Variants in NTHL1 observed in about 807,000 individuals in gnomAD.
NTHL1 encodes the protein endonuclease III-like protein 1.
A neutral mutation model predicts 32.3 loss-of-function variants in NTHL1; 32 were observed. The ratio of observed to expected loss-of-function variants is 0.99; its 90% confidence interval spans 0.75 to 1.33. The LOEUF is 1.33. Among genes scored for constraint, NTHL1 ranks in the 40% most tolerant of loss-of-function variants. The probability of loss-of-function intolerance (pLI) is 0.00; values close to 1 mark genes in which losing one functional copy is unlikely to be tolerated. For missense variants in NTHL1, 501 were observed against 414.1 expected (o/e 1.21, Z -1.82); for synonymous variants, 188 against 176.9 (o/e 1.06, Z -0.50).
In NTHL1 at chr16:2,039,962, G is replaced by T; in HGVS notation, c.877C>A (p.Leu293Ile). Residue 293 changes from leucine to isoleucine, a missense_variant, in exon 6 of 6, where the codon CTC becomes ATC. Physicochemically the swap from Leu to Ile is conservative, Grantham distance 5. Transcript: ENST00000651570. ...LPVHPRCHAC[L>I]NQALCPAAQG... ...GCGGCCGGGCAGAGGGCTTGGTTGA[G>T]GCAGGCGTGGCAGCGAGGGTGCACA... 2 of 1,607,480 alleles carry T rather than the reference G, an allele frequency of 1.2e-6. No individual in the cohort carries two copies. Among genetic ancestry groups the T allele is most frequent in the South Asian group, 2.2e-5 (2 of 91,090 alleles).
rs933479672 is a variant in NTHL1, at chr16:2,043,950, G to A, written c.526-224C>T. The A allele has an allele frequency of 3.4e-6, 2 of 581,332 alleles. No homozygotes were observed. The highest frequency in any genetic ancestry group is 2.9e-5 in the East Asian group (1 of 34,480). The allele number at this position is 581,332 out of a possible 1,614,324, so 36.0% of individuals were successfully genotyped here. A position where few individuals can be genotyped will look rare whatever the true frequency, so the allele number is the denominator to read the frequency against. ...CCACCCGTGTGGGCCAATGATGCAC[G>A]TGTAGGCTCTGGCTGGGGTTCCCCT... On this transcript the variant is annotated intron_variant, in intron 3 of 5. Transcript: ENST00000651570. This position sits in a 1 kb window ranked among gnomAD's most constrained non-coding sequence, Gnocchi z 4.4.
In NTHL1 at chr16:2,044,710, G is replaced by A. The variant is rs376048896; in HGVS notation, c.445C>T (p.Arg149Trp). 2.5e-5 allele frequency: 41 copies of A among 1,612,310 alleles called. No homozygotes were observed. Among genetic ancestry groups the A allele is most frequent in the African/African-American group, 5.3e-5 (4 of 74,940 alleles). Residue 149 changes from arginine to tryptophan, a missense_variant, in exon 3 of 6, where the codon CGG becomes TGG. Physicochemically the swap from Arg to Trp is moderately radical, Grantham distance 101 (BLOSUM62 -3). Transcript: ENST00000651570. The surrounding 1 kb of genome is among the most constrained non-coding windows in gnomAD (Gnocchi z 5.0). The stretch of plus-strand genomic sequence containing the variant: ...AGGATGCTGTCCACCGTCAGGCCCC[G>A]CGCCCGCAGTCGCTGCATGGCGCCC... ...TAGAMQRLRARGLTVDSILQT... is the reference protein window; with the variant it reads ...TAGAMQRLRAWGLTVDSILQT...
In NTHL1 at chr16:2,039,823, A is replaced by C; in HGVS notation, c.*101T>G. Reference sequence around the variant, plus strand: ...CAGACATCAGCCAGATCCCATCTGCAAACACACCAAAGCTTTATTCAACAG... The same window carrying C: ...CAGACATCAGCCAGATCCCATCTGCCAACACACCAAAGCTTTATTCAACAG... On this transcript the variant is annotated 3_prime_UTR_variant, in exon 6 of 6. Transcript: ENST00000651570. The C allele has an allele frequency of 6.5e-7, 1 of 1,545,648 alleles. No individual in the cohort carries two copies.
rs2150938418 is a variant in NTHL1, at chr16:2,040,220, T to G, written c.704A>C (p.His235Pro). 1.2e-6 allele frequency: 2 copies of G among 1,613,696 alleles called. No individual in the cohort carries two copies. Among genetic ancestry groups the G allele is most frequent in the Non-Finnish European group, 1.7e-6 (2 of 1,180,014 alleles). ...VSGIAVDTHVHRIANRLRWTK... is the reference protein window; with the variant it reads ...VSGIAVDTHVPRIANRLRWTK... Reference sequence around the variant, plus strand: ...CCACCTCAGCCTGTTGGCGATTCTGTGCACATGCGTGTCCACTGCTGCTGG... The same window carrying G: ...CCACCTCAGCCTGTTGGCGATTCTGGGCACATGCGTGTCCACTGCTGCTGG... The change falls in exon 5 of 6, where the codon CAC (histidine) becomes CCC (proline). Residue 235 changes from histidine (H) to proline (P), a missense_variant. Coordinates refer to ENST00000651570, the MANE Select transcript of NTHL1 (RefSeq NM_002528.7).
chr16:2,045,040 C>T (rs1024655014), intron 2 of NTHL1, among the ~76,000 whole-genome samples: 6 of 152,168 alleles, frequency 3.9e-5, no homozygotes, highest in South Asian at 4.1e-4. Context: ...TATCTCAGTG[C>T]TTAGAATCGT....
chr16:2,041,271 TGA>T (rs762630955), intron 4 of NTHL1, among the ~76,000 whole-genome samples: 38 of 152,200 alleles, frequency 2.5e-4, no homozygotes, highest in Non-Finnish European at 2.4e-4. Context: ...GCTTCAAGGC[TGA>T]GTCAGGCCAC....
rs187588709 is a variant in NTHL1 at position 2,045,764 on chromosome 16, A to T, written c.354+364T>A. Among the ~76,000 whole-genome samples, 7 of 152,252 alleles carry T rather than the reference A, an allele frequency of 4.6e-5. No homozygotes were observed. In the East Asian group the frequency reaches 1.4e-3, roughly 29 times the overall value. On this transcript the variant is annotated intron_variant, in intron 2 of 5. Coordinates refer to ENST00000651570, the MANE Select transcript of NTHL1 (RefSeq NM_002528.7). ...TACTACCCATTTTACAGACAAGCAA[A>T]CTGAGGCTCAGAGAGGCCTGTATCC...
chr16:2,040,261 G>A lies in NTHL1; in HGVS notation c.686-23C>T, dbSNP rs376555073. ...CTGCTGCTGGGAGGCCAAGCGGGGT[G>A]AACAGGGGCACACTCCACCAGCCTA... On this transcript the variant is annotated intron_variant, in intron 4 of 5. Transcript: ENST00000651570. 1.2e-5 allele frequency: 20 copies of A among 1,604,526 alleles called. No homozygotes were observed. The African/African-American group carries it at 2.3e-4, about 18-fold the overall frequency.
Position 2,042,061 on chromosome 16 carries a change from C to T in NTHL1, c.685+1506G>A, listed in dbSNP as rs532471948. ...AGCCCTTGTACCCAGCCAGCTCTGA[C>T]ATTTTAACTGAGAGCGTTTCTCTTT... On this transcript the variant is annotated intron_variant, in intron 4 of 5. Transcript: ENST00000651570. 1.7e-3 allele frequency: 777 copies of T among 456,062 alleles called. 13 individuals carry two copies. Among genetic ancestry groups the T allele is most frequent in the South Asian group, 7.7e-3 (497 of 64,568 alleles). 28.3% of individuals were successfully genotyped at this position (456,062 alleles called of 1,614,324 possible).
At chr16:2,040,364 C>T in intron 4 of NTHL1, 126 bp from the exon 5 acceptor site, 1 of 874,870 alleles carries the variant, frequency 1.1e-6, no homozygotes, top group Non-Finnish European at 1.9e-6. Flanking sequence ...AACCGCAAAG[C>T]CCTGGCTGCA....
In NTHL1 at chr16:2,040,214, A is replaced by G. The variant is rs2084243860; in HGVS notation, c.710T>C (p.Ile237Thr). The part of the protein sequence containing the change: ...GIAVDTHVHR[I>T]ANRLRWTKKA... ...CTTGGTCCACCTCAGCCTGTTGGCG[A>G]TTCTGTGCACATGCGTGTCCACTGC... The change falls in exon 5 of 6, where the codon ATC becomes ACC. Residue 237 changes from isoleucine to threonine, a missense_variant. Ile to Thr is a moderately conservative substitution (Grantham distance 89, BLOSUM62 -1). Coordinates refer to ENST00000651570, the MANE Select transcript of NTHL1 (RefSeq NM_002528.7). 2 of 1,613,770 alleles carry G rather than the reference A, an allele frequency of 1.2e-6. No homozygotes were observed. Among genetic ancestry groups the G allele is most frequent in the Non-Finnish European group, 1.7e-6 (2 of 1,180,008 alleles).
At chr16:2,041,604 G>A (rs1022776861) in intron 4 of NTHL1, among the ~76,000 whole-genome samples, 4 of 151,928 alleles carry the variant, frequency 2.6e-5, no homozygotes, top group Admixed American at 6.6e-5. Context: ...CACCACGCCC[G>A]GCTAATTTTT....
At chr16:2,046,992 C>T (rs547629917) in intron 1 of NTHL1, 12 of 152,770 alleles carry the variant, frequency 7.9e-5, no homozygotes, top group African/African-American at 2.9e-4. Context: ...ACAAAACCTC[C>T]TAATTGACTT....
intron 1 of NTHL1, among the ~76,000 whole-genome samples, chr16:2,046,769 C>G (rs1165281942): frequency 1.3e-5 from 2 of 152,140 alleles, no homozygotes; most frequent in Non-Finnish European, 2.9e-5. Context: ...GTCAGGAGTT[C>G]AAGACCAGCC....
At chr16:2,040,434 G>C (rs2084249250) in intron 4 of NTHL1, 196 bp from the exon 5 acceptor site, 4 of 648,232 alleles carry the variant, frequency 6.2e-6, no homozygotes, top group Admixed American at 2.2e-5. Flanking sequence ...TGAGCCCTCT[G>C]TTGGGGTGCA....
At position 2,044,935 on chromosome 16, in the gene NTHL1, G is replaced by A; in HGVS notation, c.355-135C>T. 1.0e-6 allele frequency: 1 copy of A among 997,064 alleles called. No homozygotes were observed. Among genetic ancestry groups the A allele is most frequent in the East Asian group, 2.6e-5 (1 of 37,804 alleles). The allele number at this position is 997,064 out of a possible 1,614,324, so 61.8% of individuals were successfully genotyped here. A position where few individuals can be genotyped will look rare whatever the true frequency, so the allele number is the denominator to read the frequency against. ...TTGAGGCATCAGCCTCCCCCTGTGG[G>A]GTGGGGAGGTCTGGTTTGGGTATGT... On this transcript the variant is annotated intron_variant, in intron 2 of 5. Coordinates refer to ENST00000651570, the MANE Select transcript of NTHL1 (RefSeq NM_002528.7). The surrounding 1 kb of genome is among the most constrained non-coding windows in gnomAD (Gnocchi z 5.0).
intron 4 of NTHL1, among the ~76,000 whole-genome samples, chr16:2,041,792 TAG>T (rs1271858841): frequency 1.3e-5 from 2 of 152,066 alleles, no homozygotes; most frequent in East Asian, 3.9e-4. Context: ...TGTTTTTTAG[TAG>T]AGACGGGGTT....
At chr16:2,041,494 A>G (rs1318194248) in intron 4 of NTHL1, among the ~76,000 whole-genome samples, 1 of 151,590 alleles carries the variant, frequency 6.6e-6, no homozygotes, top group Non-Finnish European at 1.5e-5. Context: ...GGCTGGATAC[A>G]GACAATGGTG....
At chr16:2,041,609 AT>A (rs112551427) in intron 4 of NTHL1, among the ~76,000 whole-genome samples, 232 of 141,686 alleles carry the variant, frequency 1.6e-3, no homozygotes, top group Admixed American at 2.0e-3. Context: ...CGCCCGGCTA[AT>A]TTTTTTTTTT....
Sources: gnomAD v4.1 joint callset for allele counts (sites outside exome capture counted in the v4.1 genomes callset) on GRCh38, gnomAD v4.1.1 for gene constraint, Gnocchi (gnomAD v3.1) non-coding constraint, MANE v1.5 for transcripts, NCBI Gene and HGNC (gene_info 2026-07-23, HGNC 2026-07-21) for gene names.